The following GAGE10 variants were observed in gnomAD, a reference collection of about 807,000 sequenced individuals.
The protein encoded by GAGE10 is G antigen 10.
A neutral mutation model predicts 11.5 loss-of-function variants in GAGE10; 9 were observed. That is an observed-to-expected ratio of 0.78 (90% CI 0.47 to 1.37). The LOEUF is 1.37. GAGE10 is among the 40% of genes most tolerant of loss of function. GAGE10 has a pLI of 0.00. For missense variants in GAGE10, 83 were observed against 92.9 expected (o/e 0.89, Z 0.44); for synonymous variants, 23 against 29.7 (o/e 0.77, Z 0.73).
At chrX:49,309,112 G>A (rs1421597201) in intron 3 of GAGE10, among the ~76,000 whole-genome samples, 1 of 111,931 alleles carries the variant, frequency 8.9e-6, no homozygotes, top group Non-Finnish European at 1.9e-5. Flanking sequence ...AGAGGGGAAG[G>A]CACGTTCCTG....
Position 49,317,275 on chromosome X carries a change from A to C in GAGE10, c.315A>C (p.Lys105Asn). ...EMGLPNPEEV[K>N]RPEEGEKQSQ... ...GCCTGCCAAATCCAGAGGAGGTGAA[A>C]AGGCCTGAAGAAGGTAGGGAATCCA... Residue 105 changes from lysine to asparagine, a missense_variant, in exon 4 of 5, where the codon AAA becomes AAC. Transcript: ENST00000407599. 3 of 1,205,643 alleles carry C rather than the reference A, an allele frequency of 2.5e-6. No homozygotes were observed. Among genetic ancestry groups the C allele is most frequent in the Non-Finnish European group, 3.4e-6 (3 of 891,859 alleles).
chrX:49,314,315 T>C (rs2066384402), intron 3 of GAGE10, among the ~76,000 whole-genome samples: 1 of 112,433 alleles, frequency 8.9e-6, no homozygotes, highest in African/African-American at 3.2e-5. Context: ...CAGTCTGCAA[T>C]GGTTTAACAC....
intron 3 of GAGE10, among the ~76,000 whole-genome samples, chrX:49,311,321 C>T (rs189062131): frequency 1.8e-5 from 2 of 112,420 alleles, no homozygotes; most frequent in East Asian, 5.6e-4. Flanking sequence ...GCTGCCTGTG[C>T]GCAAGCCAAA....
Position 49,304,957 on chromosome X carries a change from T to C in GAGE10, c.81+17T>C. ...CCTATGCTGGTGAGTGCTTAAACGT[T>C]AATTCGTTGTTTTCTATTAGCAGAA... is the stretch of plus-strand genomic sequence containing the variant. On this transcript the variant is annotated intron_variant, in intron 2 of 4. Coordinates refer to ENST00000407599, the MANE Select transcript of GAGE10 (RefSeq NM_001098413.4). 8.4e-7 allele frequency: 1 copy of C among 1,187,625 alleles called. No homozygotes were observed. The highest frequency in any genetic ancestry group is 1.1e-6 in the Non-Finnish European group (1 of 877,766).
chrX:49,312,781 T>C (rs1157431880), intron 3 of GAGE10, among the ~76,000 whole-genome samples: 3 of 112,604 alleles, frequency 2.7e-5, no homozygotes, highest in African/African-American at 9.7e-5. Context: ...GCCCCAAGGT[T>C]TGTGAAGCAG....
At position 49,317,300 on chromosome X, in the gene GAGE10, A is replaced by C. The variant is rs1557125411; in HGVS notation, c.328+12A>C. ...AAGGCCTGAAGAAGGTAGGGAATCC[A>C]TTAGGCATGCACATTGTAGGGTGTC... On this transcript the variant is annotated intron_variant, in intron 4 of 4. Coordinates refer to ENST00000407599, the MANE Select transcript of GAGE10 (RefSeq NM_001098413.4). 1 of 1,196,613 alleles carries C rather than the reference A, an allele frequency of 8.4e-7. No homozygotes were observed. Among genetic ancestry groups the C allele is most frequent in the Non-Finnish European group, 1.1e-6 (1 of 886,662 alleles).
intron 3 of GAGE10, among the ~76,000 whole-genome samples, chrX:49,313,544 G>A (rs1327608566): frequency 8.9e-6 from 1 of 111,908 alleles, no homozygotes; most frequent in Non-Finnish European, 1.9e-5. Flanking sequence ...AGCTGGGTAA[G>A]GGAAAGGATA....
chrX:49,304,750 A>G, intron 1 of GAGE10, 102 bp from the exon 2 acceptor site: 2 of 1,021,715 alleles, frequency 2.0e-6, no homozygotes, highest in Admixed American at 4.4e-5. Flanking sequence ...TTTTGAAAGT[A>G]TTTTCAAAAT....
intron 3 of GAGE10, among the ~76,000 whole-genome samples, chrX:49,308,597 G>T (rs2066365323): frequency 8.9e-6 from 1 of 112,409 alleles, no homozygotes; most frequent in Admixed American, 9.4e-5. Flanking sequence ...TGGCTGGGGG[G>T]CAGCAGGAGT....
intron 3 of GAGE10, among the ~76,000 whole-genome samples, chrX:49,306,054 G>A (rs2066355778): frequency 9.0e-6 from 1 of 111,624 alleles, no homozygotes; most frequent in Non-Finnish European, 1.9e-5. Context: ...ATAAAAGCTG[G>A]ATAAATGAGG....
chrX:49,307,096 C>T (rs782671954), intron 3 of GAGE10, among the ~76,000 whole-genome samples: 1 of 111,757 alleles, frequency 8.9e-6, no homozygotes, highest in Non-Finnish European at 1.9e-5. Flanking sequence ...CAAGGCATAA[C>T]ATTATGGAAA....
intron 3 of GAGE10, among the ~76,000 whole-genome samples, chrX:49,315,273 G>A (rs1355814644): frequency 9.0e-6 from 1 of 111,667 alleles, no homozygotes; most frequent in Non-Finnish European, 1.9e-5. Flanking sequence ...GAACTCTTAG[G>A]GTATCCAGTT....
At chrX:49,304,158 C>T (rs2066347013) in intron 1 of GAGE10, among the ~76,000 whole-genome samples, 1 of 111,609 alleles carries the variant, frequency 9.0e-6, no homozygotes, top group Admixed American at 9.5e-5. Flanking sequence ...GCGAGGAGGG[C>T]GATAAAGAAG....
Position 49,317,421 on chromosome X carries a change from C to T in GAGE10, c.328+133C>T, listed in dbSNP as rs1378793504. 4.0e-6 allele frequency: 4 copies of T among 1,004,628 alleles called. No individual in the cohort carries two copies. The African/African-American group carries it at 5.8e-5, about 15-fold the overall frequency. The allele number at this position is 1,004,628 out of a possible 1,213,427, so 82.8% of individuals were successfully genotyped here. On this transcript the variant is annotated intron_variant, in intron 4 of 4. Coordinates refer to ENST00000407599, the MANE Select transcript of GAGE10 (RefSeq NM_001098413.4). ...GGAGTGCAGTGGTGGCATCTCGGCT[C>T]ATTGGAAATTCCGCCTTCTGGGTTC... is the stretch of plus-strand genomic sequence containing the variant.
intron 3 of GAGE10, among the ~76,000 whole-genome samples, chrX:49,307,427 A>C (rs1482946140): frequency 1.8e-5 from 2 of 111,813 alleles, no homozygotes; most frequent in Non-Finnish European, 3.8e-5. Context: ...CATTTATTAC[A>C]CAGTGTATAC....
chrX:49,305,013 G>A (rs1557123912), intron 2 of GAGE10, 73 bp downstream of exon 2: 43 of 1,093,754 alleles, frequency 3.9e-5, no homozygotes, highest in Non-Finnish European at 5.2e-5. Context: ...TGTTGCATTA[G>A]TATGGAAATG....
At chrX:49,317,687 C>G (rs5905727) in intron 4 of GAGE10, among the ~76,000 whole-genome samples, 1 of 111,663 alleles carries the variant, frequency 9.0e-6, no homozygotes. Flanking sequence ...ACAATACTGC[C>G]TCTTTAGTAA....
intron 3 of GAGE10, among the ~76,000 whole-genome samples, chrX:49,309,635 C>T (rs1231757055): frequency 8.9e-6 from 1 of 111,867 alleles, no homozygotes; most frequent in African/African-American, 3.3e-5. Flanking sequence ...AATCAGCTGC[C>T]CTGGCAGCTA....
intron 3 of GAGE10, among the ~76,000 whole-genome samples, chrX:49,313,528 G>T (rs1207678121): frequency 1.8e-5 from 2 of 111,753 alleles, no homozygotes; most frequent in Non-Finnish European, 3.8e-5. Flanking sequence ...AATGTAGGAG[G>T]TGCATAGCTG....
Sources: gnomAD v4.1 joint callset for allele counts (sites outside exome capture counted in the v4.1 genomes callset) on GRCh38, gnomAD v4.1.1 for gene constraint, MANE v1.5 for transcripts, NCBI Gene and HGNC (gene_info 2026-07-23, HGNC 2026-07-21) for gene names.